Variants in INPP5A observed in about 807,000 individuals in gnomAD.
INPP5A encodes inositol polyphosphate-5-phosphatase A, also known as 43 kDa inositol polyphosphate 5-phophatase.
INPP5A carries 14 observed loss-of-function variants against 65.2 expected under a neutral mutation model. The observed-to-expected ratio is 0.21, with a 90% CI of 0.14 to 0.34. The LOEUF (loss-of-function observed/expected upper bound fraction) is 0.34. INPP5A is among the 10% of genes least tolerant of loss of function. INPP5A has a pLI of 1.00. For synonymous variants in INPP5A, 207 were observed against 208.3 expected, an observed-to-expected ratio of 0.99 and a Z score of 0.05; for missense variants, 431 against 545.6, an observed-to-expected ratio of 0.79 and a Z score of 2.09.
intron 1 of INPP5A, among the ~76,000 whole-genome samples, chr10:132,567,858 C>T (rs537878653): frequency 8.5e-5 from 13 of 152,118 alleles, no homozygotes; most frequent in African/African-American, 3.1e-4. Context: ...GATCATATAA[C>T]TTAGTGCTTA....
chr10:132,669,571 C>T (rs2072855882), intron 4 of INPP5A, among the ~76,000 whole-genome samples: 1 of 152,212 alleles, frequency 6.6e-6, no homozygotes, highest in Non-Finnish European at 1.5e-5. Flanking sequence ...TTCAGCCTGG[C>T]TTAGCTGCGT....
intron 9 of INPP5A, among the ~76,000 whole-genome samples, chr10:132,731,282 T>C (rs769258159): frequency 4.0e-5 from 6 of 150,854 alleles, no homozygotes; most frequent in African/African-American, 2.5e-5. Context: ...GTGTCCCTCC[T>C]GCGCATCAGG....
intron 1 of INPP5A, among the ~76,000 whole-genome samples, chr10:132,597,492 A>G (rs2071718325): frequency 6.6e-6 from 1 of 152,226 alleles, no homozygotes; most frequent in Non-Finnish European, 1.5e-5. Flanking sequence ...TTAGGATATT[A>G]TATTGTTATT....
At chr10:132,586,594 G>C (rs2071547747) in intron 1 of INPP5A, among the ~76,000 whole-genome samples, 1 of 152,210 alleles carries the variant, frequency 6.6e-6, no homozygotes, top group African/African-American at 2.4e-5. Flanking sequence ...GGCCTGGAAG[G>C]GTGGCCGGTG....
chr10:132,612,597 G>C (rs1317627653), intron 2 of INPP5A, among the ~76,000 whole-genome samples: 1 of 152,098 alleles, frequency 6.6e-6, no homozygotes, highest in East Asian at 1.9e-4. Context: ...ATGGTGGTTT[G>C]GGCTGAGGCC....
Position 132,704,436 on chromosome 10 carries a change from G to T in INPP5A, c.475-3877G>T, listed in dbSNP as rs1845499025. On this transcript the variant is annotated intron_variant, in intron 6 of 15. Transcript: ENST00000368594. The surrounding 1 kb of genome is among the most constrained non-coding windows in gnomAD (Gnocchi z 4.5). Reference sequence around the variant, plus strand: ...CCTGTGAGCCTCAGTTTCCCTTTCTGGTCGGCCCGAGGGTTGGGTGTGTGC... The same window carrying T: ...CCTGTGAGCCTCAGTTTCCCTTTCTTGTCGGCCCGAGGGTTGGGTGTGTGC... Among the ~76,000 whole-genome samples the T allele has an allele frequency of 6.6e-6, 1 of 152,230 alleles. No homozygotes were observed. Among genetic ancestry groups the T allele is most frequent in the African/African-American group, 2.4e-5 (1 of 41,454 alleles).
In INPP5A at chr10:132,698,489, C is replaced by G. The variant is rs911333249; in HGVS notation, c.474+570C>G. On this transcript the variant is annotated intron_variant, in intron 6 of 15. Transcript: ENST00000368594. This position sits in a 1 kb window ranked among gnomAD's most constrained non-coding sequence, Gnocchi z 5.5. Reference sequence around the variant, plus strand: ...CGGTGTTGATGAGAAATTGGTGTTTCCTTCTGGCGGCCATGCACTTTGCTG... The same window carrying G: ...CGGTGTTGATGAGAAATTGGTGTTTGCTTCTGGCGGCCATGCACTTTGCTG... Among the ~76,000 whole-genome samples, 1 of 152,244 alleles carries G rather than the reference C, an allele frequency of 6.6e-6. No homozygotes were observed. The highest frequency in any genetic ancestry group is 1.5e-5 in the Non-Finnish European group (1 of 68,034).
chr10:132,654,831 G>C (rs538402490), intron 4 of INPP5A, among the ~76,000 whole-genome samples: 102 of 152,360 alleles, frequency 6.7e-4, no homozygotes, highest in Non-Finnish European at 1.6e-4. Context: ...CGCCTGGCGC[G>C]TGAGCCTGTG....
At chr10:132,595,663 T>G (rs967473391) in intron 1 of INPP5A, among the ~76,000 whole-genome samples, 1 of 152,228 alleles carries the variant, frequency 6.6e-6, no homozygotes, top group Non-Finnish European at 1.5e-5. Flanking sequence ...TCATGTTTTA[T>G]CCAATAAATT....
chr10:132,607,595 G>A (rs2071874738), intron 1 of INPP5A, among the ~76,000 whole-genome samples: 1 of 152,260 alleles, frequency 6.6e-6, no homozygotes. Flanking sequence ...TCTTCCCTGG[G>A]AGGCTGGAGG....
intron 1 of INPP5A, among the ~76,000 whole-genome samples, chr10:132,553,229 G>GAT: frequency 1.0e-5 from 1 of 96,710 alleles, no homozygotes; most frequent in Non-Finnish European, 2.1e-5. Flanking sequence ...TCAGAGCCTT[G>GAT]GTGGAATATT....
rs2071401356 is a variant in INPP5A, at chr10:132,575,415, G to A, written c.76-32500G>A. Among the ~76,000 whole-genome samples the A allele has an allele frequency of 6.6e-6, 1 of 152,154 alleles. No individual in the cohort carries two copies. Among genetic ancestry groups the A allele is most frequent in the Non-Finnish European group, 1.5e-5 (1 of 68,026 alleles). On this transcript the variant is annotated intron_variant, in intron 1 of 15. Transcript: ENST00000368594. The surrounding 1 kb of genome is among the most constrained non-coding windows in gnomAD (Gnocchi z 5.4). ...AGGGTCAGGATGGGAGGGGAGTACA[G>A]GCTGAGGCACCAGGCACCACAGGGG...
chr10:132,590,225 T>G (rs1165963985), intron 1 of INPP5A, among the ~76,000 whole-genome samples: 1 of 152,104 alleles, frequency 6.6e-6, no homozygotes, highest in African/African-American at 2.4e-5. Context: ...CCTCCTGCAG[T>G]GGTCAGATGC....
intron 1 of INPP5A, among the ~76,000 whole-genome samples, chr10:132,567,220 C>T (rs1358849586): frequency 1.3e-5 from 2 of 152,248 alleles, no homozygotes; most frequent in Non-Finnish European, 2.9e-5. Flanking sequence ...GTCAGATTCT[C>T]ATCCCACATT....
In INPP5A at chr10:132,587,359, G is replaced by A. The variant is rs373471992; in HGVS notation, c.76-20556G>A. Among the ~76,000 whole-genome samples the A allele has an allele frequency of 1.3e-5, 2 of 152,164 alleles. No individual in the cohort carries two copies. Among genetic ancestry groups the A allele is most frequent in the East Asian group, 3.9e-4 (2 of 5,172 alleles). ...GGGTCCGATTGAGGAGCAGTTGGGT[G>A]GCCCAGCCTGCTTCTGCTGCTGCCA... On this transcript the variant is annotated intron_variant, in intron 1 of 15. Coordinates refer to ENST00000368594, the MANE Select transcript of INPP5A (RefSeq NM_005539.5). This position sits in a 1 kb window ranked among gnomAD's most constrained non-coding sequence, Gnocchi z 4.3.
intron 1 of INPP5A, among the ~76,000 whole-genome samples, chr10:132,592,626 C>G (rs969597295): frequency 6.6e-6 from 1 of 152,246 alleles, no homozygotes; most frequent in Admixed American, 6.5e-5. Flanking sequence ...AGGCTGGTCA[C>G]AAACTCCTGA....
At chr10:132,689,303 G>A (rs1845214928) in intron 4 of INPP5A, among the ~76,000 whole-genome samples, 1 of 152,178 alleles carries the variant, frequency 6.6e-6, no homozygotes, top group Admixed American at 6.5e-5. Context: ...GCTCCCTGCA[G>A]GCAGCCCCTG....
chr10:132,756,799 T>C (rs1167856917), intron 11 of INPP5A, among the ~76,000 whole-genome samples: 1 of 152,264 alleles, frequency 6.6e-6, no homozygotes, highest in African/African-American at 2.4e-5. Context: ...GGCGCCGTTA[T>C]CACAGGAGAT....
chr10:132,730,988 G>T (rs984044213), intron 9 of INPP5A, among the ~76,000 whole-genome samples: 16 of 152,226 alleles, frequency 1.1e-4, no homozygotes, highest in African/African-American at 3.9e-4. Context: ...TACCACGGGG[G>T]AGGAACATTC....
Sources: gnomAD v4.1 joint callset for allele counts (sites outside exome capture counted in the v4.1 genomes callset) on GRCh38, gnomAD v4.1.1 for gene constraint, Gnocchi (gnomAD v3.1) non-coding constraint, MANE v1.5 for transcripts, NCBI Gene and HGNC (gene_info 2026-07-23, HGNC 2026-07-21) for gene names.